SPOPL: variants seen among roughly 807,000 people sequenced by gnomAD.
The protein encoded by SPOPL is speckle-type POZ protein-like.
A neutral mutation model predicts 53.8 loss-of-function variants in SPOPL; 23 were observed. The ratio of observed to expected loss-of-function variants is 0.43; its 90% confidence interval spans 0.31 to 0.61. SPOPL has a LOEUF of 0.61. SPOPL is among the 20% of genes least tolerant of loss of function. The pLI, the probability that SPOPL is intolerant of heterozygous loss-of-function variation, is 0.12. For synonymous variants in SPOPL, 164 were observed against 149.7 expected (o/e 1.10, Z -0.70); for missense variants, 442 against 466.9 (o/e 0.95, Z 0.49).
At chr2:138,558,962 T>TA in intron 5 of SPOPL, 60 bp from the exon 6 acceptor site, 1 of 1,424,650 alleles carries the variant, frequency 7.0e-7, no homozygotes. Flanking sequence ...AGTATGGACT[T>TA]AAACTAATTA....
intron 5 of SPOPL, among the ~76,000 whole-genome samples, chr2:138,557,199 C>T (rs1186530979): frequency 6.6e-6 from 1 of 151,996 alleles, no homozygotes; most frequent in Admixed American, 6.6e-5. Context: ...TCTAGTCTTC[C>T]TTTGGTACAA....
chr2:138,553,007 AGATT>A (rs1685347834), intron 5 of SPOPL, among the ~76,000 whole-genome samples: 1 of 152,094 alleles, frequency 6.6e-6, no homozygotes, highest in Non-Finnish European at 1.5e-5. Context: ...TAACTGACAT[AGATT>A]GTCAATTTTT....
intron 1 of SPOPL, among the ~76,000 whole-genome samples, chr2:138,530,617 G>T (rs1274634939): frequency 6.6e-6 from 1 of 151,924 alleles, no homozygotes; most frequent in African/African-American, 2.4e-5. Flanking sequence ...TTATACTTTG[G>T]TATCTTTTAA....
chr2:138,506,833 G>T (rs1358553291), intron 1 of SPOPL, among the ~76,000 whole-genome samples: 1 of 152,194 alleles, frequency 6.6e-6, no homozygotes, highest in Non-Finnish European at 1.5e-5. Flanking sequence ...ATTGATGTCT[G>T]GGAGTGAGGG....
In SPOPL at chr2:138,533,337, G is replaced by A. The variant is rs190974033; in HGVS notation, c.-60-16820G>A. Among the ~76,000 whole-genome samples the A allele has an allele frequency of 1.7e-3, 254 of 152,134 alleles. 1 individual carries two copies. Among genetic ancestry groups the A allele is most frequent in the African/African-American group, 5.6e-3 (234 of 41,490 alleles). ...GAATACAGCTCAGGGAATATCTTCA[G>A]GACATTTTCTGTGTCCTGAAGTGCT... On this transcript the variant is annotated intron_variant, in intron 1 of 10. Transcript: ENST00000280098.
chr2:138,550,907 C>G lies in SPOPL; in HGVS notation c.205C>G (p.Leu69Val). The G allele has an allele frequency of 1.9e-6, 3 of 1,606,092 alleles. No homozygotes were observed. The highest frequency in any genetic ancestry group is 2.5e-6 in the Non-Finnish European group (3 of 1,177,120). ...SGPSDKMKWC[L>V]RVNPKGLDDE... ...GAGCTTATTGTTTTATTTTAGGTGC[C>G]TGAGGGTAAACCCAAAGGGATTAGA... is the stretch of plus-strand genomic sequence containing the variant. Residue 69 changes from leucine to valine, a missense_variant, in exon 4 of 11, where the codon CTG becomes GTG. Coordinates refer to ENST00000280098, the MANE Select transcript of SPOPL (RefSeq NM_001001664.3).
chr2:138,538,776 T>C (rs1684994679), intron 1 of SPOPL, among the ~76,000 whole-genome samples: 1 of 152,100 alleles, frequency 6.6e-6, no homozygotes, highest in African/African-American at 2.4e-5. Flanking sequence ...ACTTTAAGTT[T>C]TAGGGTTCAT....
At chr2:138,505,594 TAAAAAAAAAAAAAAAA>T (rs1169614974) in intron 1 of SPOPL, among the ~76,000 whole-genome samples, 3 of 75,086 alleles carry the variant, frequency 4.0e-5, no homozygotes, top group South Asian at 4.7e-4. Flanking sequence ...GTGTCTCTTC[TAAAAAAAAAAAAAAAA>T]AAAAAAAAAA....
chr2:138,559,090 G>A lies in SPOPL; in HGVS notation c.549G>A (p.Glu183=), dbSNP rs750330287. Residue 183 remains glutamate (E), a synonymous_variant, in exon 6 of 11, where the codon GAG becomes GAA. Coordinates refer to ENST00000280098, the MANE Select transcript of SPOPL (RefSeq NM_001001664.3). ...ATACAAATACTTTGAAGGTGCCTGA[G>A]TGTCGTCTAGCAGAAGATTTAGGTA... is the stretch of plus-strand genomic sequence containing the variant. ...HTNTNTLKVP[E]CRLAEDLGNL... The A allele has an allele frequency of 1.9e-6, 3 of 1,613,810 alleles. No homozygotes were observed. Among genetic ancestry groups the A allele is most frequent in the Non-Finnish European group, 2.5e-6 (3 of 1,179,884 alleles).
chr2:138,572,832 C>G lies in SPOPL; in HGVS notation c.*3752C>G, dbSNP rs1340510585. The G allele has an allele frequency of 6.6e-6, 1 of 152,530 alleles. No individual in the cohort carries two copies. The allele number at this position is 152,530 out of a possible 1,614,324, so 9.4% of individuals were successfully genotyped here. Reference sequence around the variant, plus strand: ...GAGTGCCTATCATATGCAAGACTAACTCCTTACTAGGAATGAAATCACACA... The same window carrying G: ...GAGTGCCTATCATATGCAAGACTAAGTCCTTACTAGGAATGAAATCACACA... On this transcript the variant is annotated 3_prime_UTR_variant, in exon 11 of 11. Coordinates refer to ENST00000280098, the MANE Select transcript of SPOPL (RefSeq NM_001001664.3).
intron 1 of SPOPL, among the ~76,000 whole-genome samples, chr2:138,540,964 T>G (rs928190884): frequency 6.6e-6 from 1 of 152,232 alleles, no homozygotes; most frequent in African/African-American, 2.4e-5. Flanking sequence ...GGTTGTTGAA[T>G]TTTGTCAAAG....
intron 1 of SPOPL, among the ~76,000 whole-genome samples, chr2:138,505,012 T>G (rs1684183873): frequency 6.6e-6 from 1 of 152,144 alleles, no homozygotes; most frequent in South Asian, 2.1e-4. Flanking sequence ...TGAGAAAGTT[T>G]TGCAGCCAGG....
intron 1 of SPOPL, among the ~76,000 whole-genome samples, chr2:138,540,956 T>C (rs1280059583): frequency 6.6e-6 from 1 of 152,096 alleles, no homozygotes; most frequent in Non-Finnish European, 1.5e-5. Flanking sequence ...GCATGAAGGG[T>C]TGTTGAATTT....
At chr2:138,539,590 T>C (rs939692610) in intron 1 of SPOPL, among the ~76,000 whole-genome samples, 6 of 108,062 alleles carry the variant, frequency 5.6e-5, no homozygotes, top group Non-Finnish European at 1.6e-4. Context: ...CACTTTTTGA[T>C]GGGGTTGTTT....
At chr2:138,511,307 T>A (rs1296608035) in intron 1 of SPOPL, among the ~76,000 whole-genome samples, 1 of 152,200 alleles carries the variant, frequency 6.6e-6, no homozygotes, top group Non-Finnish European at 1.5e-5. Flanking sequence ...AAATTGCATC[T>A]TTAAGTTGTG....
At chr2:138,565,835 G>A (rs1270930213) in intron 10 of SPOPL, among the ~76,000 whole-genome samples, 8 of 151,288 alleles carry the variant, frequency 5.3e-5, no homozygotes, top group Admixed American at 2.6e-4. Flanking sequence ...CTGGGTTCAC[G>A]CCATTCTCCT....
chr2:138,544,211 T>C (rs539745101), intron 1 of SPOPL, among the ~76,000 whole-genome samples: 91 of 152,302 alleles, frequency 6.0e-4, no homozygotes, highest in African/African-American at 2.1e-3. Context: ...GTCTGTCTGT[T>C]CTCAGATGTC....
intron 1 of SPOPL, among the ~76,000 whole-genome samples, chr2:138,527,104 G>T (rs1478825488): frequency 6.6e-6 from 1 of 151,930 alleles, no homozygotes; most frequent in Non-Finnish European, 1.5e-5. Flanking sequence ...TCAGATTTTA[G>T]TCTGACTTGT....
chr2:138,513,910 T>G (rs1320103424), intron 1 of SPOPL, among the ~76,000 whole-genome samples: 1 of 152,214 alleles, frequency 6.6e-6, no homozygotes, highest in East Asian at 1.9e-4. Context: ...AGCAGGATTT[T>G]ATTATACACT....
Sources: allele counts gnomAD v4.1 joint callset (sites outside exome capture counted in the v4.1 genomes callset), GRCh38; gene constraint gnomAD v4.1.1; transcripts MANE v1.5; gene names NCBI Gene and HGNC (gene_info 2026-07-23, HGNC 2026-07-21).